The following IMMP2L variants were observed in gnomAD, a reference collection of about 807,000 sequenced individuals.
IMMP2L encodes inner mitochondrial membrane peptidase subunit 2.
A neutral mutation model predicts 19.3 loss-of-function variants in IMMP2L; 18 were observed. That is an observed-to-expected ratio of 0.93 (90% CI 0.64 to 1.38). IMMP2L has a LOEUF of 1.38. IMMP2L is among the 40% of genes most tolerant of loss of function. The pLI, the probability that IMMP2L is intolerant of heterozygous loss-of-function variation, is 0.00. For synonymous variants in IMMP2L, 76 were observed against 73.0 expected, an observed-to-expected ratio of 1.04 and a Z score of -0.21; for missense variants, 233 against 218.2, an observed-to-expected ratio of 1.07 and a Z score of -0.43.
chr7:110,798,678 A>G (rs1356680344), intron 5 of IMMP2L, among the ~76,000 whole-genome samples: 2 of 151,962 alleles, frequency 1.3e-5, no homozygotes, highest in Non-Finnish European at 2.9e-5. Context: ...GAATACTAAG[A>G]TCTGAGGAAA....
intron 5 of IMMP2L, among the ~76,000 whole-genome samples, chr7:110,735,806 C>T (rs891930959): frequency 7.7e-6 from 1 of 130,470 alleles, no homozygotes; most frequent in African/African-American, 2.9e-5. Context: ...AAGATTGTAC[C>T]ACTGCACTCC....
chr7:111,544,327 A>G (rs1274729736), intron 1 of IMMP2L, among the ~76,000 whole-genome samples: 3 of 152,106 alleles, frequency 2.0e-5, no homozygotes, highest in Non-Finnish European at 2.9e-5. Context: ...GCACACCAAC[A>G]TGGCACATGT....
intron 3 of IMMP2L, among the ~76,000 whole-genome samples, chr7:111,221,062 T>G (rs954376548): frequency 6.6e-6 from 1 of 152,020 alleles, no homozygotes; most frequent in African/African-American, 2.4e-5. Flanking sequence ...TAACCAGATA[T>G]CTGAGCATCC....
At chr7:111,023,480 C>A (rs1430105290) in intron 3 of IMMP2L, among the ~76,000 whole-genome samples, 1 of 151,038 alleles carries the variant, frequency 6.6e-6, no homozygotes, top group Non-Finnish European at 1.5e-5. Context: ...GTGGGTGGAT[C>A]ACCTGAGATC....
intron 3 of IMMP2L, among the ~76,000 whole-genome samples, chr7:111,222,807 T>C (rs1204214092): frequency 6.6e-6 from 1 of 152,052 alleles, no homozygotes; most frequent in Non-Finnish European, 1.5e-5. Flanking sequence ...ACCAAAGACC[T>C]GGCAATTCCA....
intron 3 of IMMP2L, among the ~76,000 whole-genome samples, chr7:111,187,225 C>G (rs1401950487): frequency 6.6e-6 from 1 of 152,106 alleles, no homozygotes; most frequent in Non-Finnish European, 1.5e-5. Context: ...AGGCCCTTCC[C>G]TTTCTGGCCA....
At chr7:111,130,083 G>C (rs1197991405) in intron 3 of IMMP2L, among the ~76,000 whole-genome samples, 1 of 152,032 alleles carries the variant, frequency 6.6e-6, no homozygotes, top group East Asian at 1.9e-4. Context: ...AAAGAGACAA[G>C]CCTACAGAGA....
At chr7:111,467,492 A>C (rs1430749539) in intron 3 of IMMP2L, among the ~76,000 whole-genome samples, 3 of 152,136 alleles carry the variant, frequency 2.0e-5, no homozygotes, top group Non-Finnish European at 4.4e-5. Flanking sequence ...TAAGCATAAT[A>C]CAAGTCATTT....
chr7:111,452,658 C>G (rs988013887), intron 3 of IMMP2L, among the ~76,000 whole-genome samples: 16 of 152,088 alleles, frequency 1.1e-4, no homozygotes, highest in African/African-American at 3.4e-4. Context: ...TCCTCTGCCA[C>G]TAAATCTCTG....
chr7:111,153,031 A>G (rs1804248464), intron 3 of IMMP2L, among the ~76,000 whole-genome samples: 2 of 152,262 alleles, frequency 1.3e-5, no homozygotes. Context: ...TTTACTGTAA[A>G]GAATTCTAAA....
chr7:111,427,431 G>C (rs1414501036), intron 3 of IMMP2L, among the ~76,000 whole-genome samples: 2 of 151,632 alleles, frequency 1.3e-5, no homozygotes, highest in Admixed American at 1.3e-4. Flanking sequence ...AACATTCAGA[G>C]ATCCAAGAGA....
At chr7:111,485,513 G>C (rs1156449545) in intron 3 of IMMP2L, among the ~76,000 whole-genome samples, 1 of 139,732 alleles carries the variant, frequency 7.2e-6, no homozygotes, top group African/African-American at 2.6e-5. Context: ...CAGGAGAATG[G>C]CCTGAACCCA....
intron 3 of IMMP2L, among the ~76,000 whole-genome samples, chr7:111,065,415 A>G (rs191708703): frequency 8.3e-4 from 127 of 152,328 alleles, no homozygotes; most frequent in African/African-American, 3.0e-3. Context: ...TATGGGTTCA[A>G]GTTGACAAGG....
chr7:111,348,305 A>G (rs1827782978), intron 3 of IMMP2L, among the ~76,000 whole-genome samples: 1 of 152,104 alleles, frequency 6.6e-6, no homozygotes, highest in African/African-American at 2.4e-5. Flanking sequence ...AAGTTCTATC[A>G]AAGTATTTAT....
At chr7:111,476,011 G>T (rs547840397) in intron 3 of IMMP2L, among the ~76,000 whole-genome samples, 1 of 152,034 alleles carries the variant, frequency 6.6e-6, no homozygotes, top group Non-Finnish European at 1.5e-5. Flanking sequence ...TATCCTGAGG[G>T]ATTAATTCTT....
At chr7:110,784,142 C>G (rs889917346) in intron 5 of IMMP2L, among the ~76,000 whole-genome samples, 1 of 151,750 alleles carries the variant, frequency 6.6e-6, no homozygotes, top group Non-Finnish European at 1.5e-5. Flanking sequence ...AGTAATATTC[C>G]TCATCATTGG....
rs529755810 is a variant in IMMP2L at position 110,837,331 on chromosome 7, G to A, written c.408+49262C>T. On this transcript the variant is annotated intron_variant, in intron 5 of 5. Coordinates refer to ENST00000405709, the MANE Select transcript of IMMP2L (RefSeq NM_032549.4). ...TAAAGAAGGGAGGAAAGGAGGTGAG[G>A]AGGAAAGAGAGAGAAAAGAGGGGAA... Among the ~76,000 whole-genome samples, 23 of 151,924 alleles carry A rather than the reference G, an allele frequency of 1.5e-4. No individual in the cohort carries two copies. The South Asian group carries it at 4.6e-3, about 30-fold the overall frequency.
intron 4 of IMMP2L, among the ~76,000 whole-genome samples, chr7:110,949,352 C>A (rs1817561386): frequency 6.6e-6 from 1 of 152,164 alleles, no homozygotes. Context: ...TCAATATTTT[C>A]TCTTTTGTTG....
chr7:111,142,859 G>A (rs1803081486), intron 3 of IMMP2L, among the ~76,000 whole-genome samples: 1 of 152,106 alleles, frequency 6.6e-6, no homozygotes, highest in African/African-American at 2.4e-5. Context: ...AACTTTTATT[G>A]TTGTCACTGA....
Sources: gnomAD v4.1 joint callset for allele counts (sites outside exome capture counted in the v4.1 genomes callset) on GRCh38, gnomAD v4.1.1 for gene constraint, MANE v1.5 for transcripts, NCBI Gene and HGNC (gene_info 2026-07-23, HGNC 2026-07-21) for gene names.